The following EVC variants were observed in gnomAD, a reference collection of about 807,000 sequenced individuals.
EVC encodes EvC ciliary complex subunit 1, also known as evC complex member EVC.
In EVC, 116 loss-of-function variants were observed where a neutral mutation model predicts 118.9. The observed-to-expected ratio is 0.98, with a 90% CI of 0.84 to 1.14. EVC has a LOEUF of 1.14. Among genes scored for constraint, EVC ranks in the 50% most tolerant of loss-of-function variants. The probability of loss-of-function intolerance (pLI) is 0.00; values close to 1 mark genes in which losing one functional copy is unlikely to be tolerated. For missense variants in EVC, 1,401 were observed against 1,246.4 expected (o/e 1.12, Z -1.87); for synonymous variants, 619 against 534.7 (o/e 1.16, Z -2.18).
chr4:5,711,757 GGTGCCT>G (rs1283888453), intron 1 of EVC, among the ~76,000 whole-genome samples: 2 of 152,208 alleles, frequency 1.3e-5, no homozygotes, highest in Non-Finnish European at 2.9e-5. Flanking sequence ...GGTCCCCTGC[GGTGCCT>G]GTTACATCCC....
intron 5 of EVC, among the ~76,000 whole-genome samples, chr4:5,741,097 TA>T (rs1413496241): frequency 6.6e-6 from 1 of 152,234 alleles, no homozygotes. Flanking sequence ...TGTGGGCATT[TA>T]TCTCAGAGAA....
At chr4:5,807,344 G>T (rs190577341) in intron 17 of EVC, among the ~76,000 whole-genome samples, 50 of 152,326 alleles carry the variant, frequency 3.3e-4, no homozygotes, top group Admixed American at 1.5e-3. Flanking sequence ...GAGAGGAAAG[G>T]TGTTACTGGC....
chr4:5,804,636 G>A, intron 16 of EVC, 94 bp from the exon 17 acceptor site: 2 of 992,400 alleles, frequency 2.0e-6, no homozygotes, highest in Non-Finnish European at 3.2e-6. Context: ...GAGCTGGTGT[G>A]TCTCACTCAC....
chr4:5,733,314 C>G (rs776878680), intron 4 of EVC, 37 bp from the exon 5 acceptor site: 2 of 1,557,746 alleles, frequency 1.3e-6, no homozygotes, highest in East Asian at 2.2e-5. Flanking sequence ...TTTCCGATAC[C>G]CTGAAAGTCT....
intron 6 of EVC, among the ~76,000 whole-genome samples, chr4:5,744,422 T>C (rs1322217004): frequency 6.6e-6 from 1 of 152,136 alleles, no homozygotes; most frequent in Non-Finnish European, 1.5e-5. Context: ...ATAGAGAAAA[T>C]AGAACTGCCT....
intron 11 of EVC, among the ~76,000 whole-genome samples, chr4:5,768,812 A>G (rs969078520): frequency 2.4e-5 from 3 of 127,298 alleles, no homozygotes; most frequent in Admixed American, 8.9e-5. Flanking sequence ...AGGCGAGATC[A>G]CACCACTGTA....
At chr4:5,793,116 A>G (rs1002114341) in intron 12 of EVC, among the ~76,000 whole-genome samples, 5 of 152,178 alleles carry the variant, frequency 3.3e-5, no homozygotes, top group Non-Finnish European at 7.3e-5. Context: ...ATAAGGCAGG[A>G]CCTACCCTCG....
intron 1 of EVC, among the ~76,000 whole-genome samples, chr4:5,717,920 A>G (rs1331758777): frequency 2.0e-5 from 3 of 152,218 alleles, no homozygotes; most frequent in Non-Finnish European, 1.5e-5. Context: ...CAATGCCACA[A>G]AAGCAGAGGC....
chr4:5,734,539 C>A (rs1373428879), intron 5 of EVC, among the ~76,000 whole-genome samples: 1 of 152,046 alleles, frequency 6.6e-6, no homozygotes, highest in Non-Finnish European at 1.5e-5. Flanking sequence ...TGCCTATAGT[C>A]CTAGGTACTC....
At chr4:5,824,444 A>C in the EVC span, 2 of 985,392 alleles carry the variant, frequency 2.0e-6, no homozygotes, top group Non-Finnish European at 2.4e-6. Flanking sequence ...TGAATGGATA[A>C]GAGGTTCTGC....
the EVC span, among the ~76,000 whole-genome samples, chr4:5,820,033 G>C: frequency 6.6e-6 from 1 of 152,154 alleles, no homozygotes; most frequent in South Asian, 2.1e-4. Flanking sequence ...AGGAGCTTTG[G>C]ACTAGGGCCC....
intron 2 of EVC, among the ~76,000 whole-genome samples, chr4:5,729,026 A>C (rs542087830): frequency 2.6e-5 from 4 of 151,836 alleles, no homozygotes; most frequent in Admixed American, 6.6e-5. Flanking sequence ...CCAACCACCC[A>C]TCTATTCATC....
intron 2 of EVC, among the ~76,000 whole-genome samples, chr4:5,725,497 T>C (rs1450748796): frequency 6.6e-6 from 1 of 152,234 alleles, no homozygotes; most frequent in Non-Finnish European, 1.5e-5. Flanking sequence ...TTTTTTCATA[T>C]GTTTGGTGGC....
Position 5,738,626 on chromosome 4 carries a change from C to T in EVC, c.703-3090C>T, listed in dbSNP as rs2127572. ...TACAACTTTTTTTTTTTTTTTAAGA[C>T]GGAGATCTCAACTCACTGCAAACTT... On this transcript the variant is annotated intron_variant, in intron 5 of 20. Transcript: ENST00000264956. This position sits in a 1 kb window ranked among gnomAD's most constrained non-coding sequence, Gnocchi z 6.5. Among the ~76,000 whole-genome samples, 1,162 of 150,624 alleles carry T rather than the reference C, an allele frequency of 7.7e-3. 9 individuals carry two copies. Among genetic ancestry groups the T allele is most frequent in the Non-Finnish European group, 0.012 (812 of 67,730 alleles).
At chr4:5,726,571 T>TTC (rs1656388732) in intron 2 of EVC, among the ~76,000 whole-genome samples, 1 of 149,052 alleles carries the variant, frequency 6.7e-6, no homozygotes, top group Admixed American at 6.6e-5. Flanking sequence ...CTCTTTTCTT[T>TTC]TTTTTTTTTT....
At chr4:5,793,436 A>G (rs941515108) in intron 12 of EVC, 172 bp from the exon 13 acceptor site, 4 of 677,016 alleles carry the variant, frequency 5.9e-6, no homozygotes, top group African/African-American at 5.4e-5. Flanking sequence ...CAAATAGGAA[A>G]GATTTTAAGG....
chr4:5,825,384 C>T, the EVC span: 1 of 1,464,066 alleles, frequency 6.8e-7, no homozygotes, highest in Non-Finnish European at 9.0e-7. The surrounding 1 kb of genome is among the most constrained non-coding windows in gnomAD (Gnocchi z 4.4). Flanking sequence ...CCCTTCCCTG[C>T]TTCTTCATCT....
At position 5,745,568 on chromosome 4, in the gene EVC, C is replaced by T. The variant is rs574100025; in HGVS notation, c.939+227C>T. ...TATTTTTTATATCATGAATTATCCTCATTTAAATTTCAGATTGGTCTTTTT... is the reference window on the plus strand; with the variant it reads ...TATTTTTTATATCATGAATTATCCTTATTTAAATTTCAGATTGGTCTTTTT... On this transcript the variant is annotated intron_variant, in intron 7 of 20. Transcript: ENST00000264956. Among the ~76,000 whole-genome samples, 17 of 152,322 alleles carry T rather than the reference C, an allele frequency of 1.1e-4. No individual in the cohort carries two copies. In the South Asian group the frequency reaches 2.5e-3, roughly 22 times the overall value.
chr4:5,763,192 T>C (rs1732335479), intron 11 of EVC, among the ~76,000 whole-genome samples: 1 of 132,990 alleles, frequency 7.5e-6, no homozygotes, highest in Non-Finnish European at 1.6e-5. Context: ...TTCTCAGGTT[T>C]GTCAAAGATC....
Sources: allele counts gnomAD v4.1 joint callset (sites outside exome capture counted in the v4.1 genomes callset), GRCh38; gene constraint gnomAD v4.1.1; non-coding constraint Gnocchi (gnomAD v3.1); transcripts MANE v1.5; gene names NCBI Gene and HGNC (gene_info 2026-07-23, HGNC 2026-07-21).